Variants in PCDHGA2 observed in about 807,000 individuals in gnomAD.
PCDHGA2 encodes the protein protocadherin gamma subfamily A, 2, also known as protocadherin gamma-A2.
In PCDHGA2, 40 loss-of-function variants were observed where a neutral mutation model predicts 59.2. That is an observed-to-expected ratio of 0.68 (90% CI 0.52 to 0.88). The LOEUF (loss-of-function observed/expected upper bound fraction) is 0.88. Among genes scored for constraint, PCDHGA2 ranks in the 40% least tolerant of loss-of-function variants. The pLI, the probability that PCDHGA2 is intolerant of heterozygous loss-of-function variation, is 0.00. For synonymous variants in PCDHGA2, 560 were observed against 526.0 expected, an observed-to-expected ratio of 1.06 and a Z score of -0.89; for missense variants, 1,226 against 1,204.0, an observed-to-expected ratio of 1.02 and a Z score of -0.27.
intron 1 of PCDHGA2, among the ~76,000 whole-genome samples, chr5:141,469,852 C>T (rs529924249): frequency 1.3e-4 from 20 of 152,054 alleles, no homozygotes; most frequent in African/African-American, 4.8e-4. Flanking sequence ...AGATTCAGAC[C>T]GGGTGCAATG....
intron 1 of PCDHGA2, chr5:141,422,771 T>C (rs2096671394): frequency 6.2e-7 from 1 of 1,613,954 alleles, no homozygotes; most frequent in Non-Finnish European, 8.5e-7. Flanking sequence ...ACTGGTGTTC[T>C]CTATGCCCTA....
chr5:141,384,399 A>G (rs1269939422), intron 1 of PCDHGA2: 2 of 1,613,970 alleles, frequency 1.2e-6, no homozygotes, highest in Non-Finnish European at 1.7e-6. Context: ...AGGGGGCTCC[A>G]GTGTCCTCCT....
At chr5:141,434,515 G>A (rs1032584764) in intron 1 of PCDHGA2, among the ~76,000 whole-genome samples, 1 of 152,296 alleles carries the variant, frequency 6.6e-6, no homozygotes, top group African/African-American at 2.4e-5. Context: ...CTGCTTAAAG[G>A]TGTTCTTAAA....
intron 1 of PCDHGA2, chr5:141,420,323 A>G (rs753373746): frequency 2.1e-6 from 3 of 1,410,102 alleles, no homozygotes; most frequent in East Asian, 2.4e-5. Flanking sequence ...CAATATGCCA[A>G]TATATTCCAA....
intron 1 of PCDHGA2, chr5:141,357,789 C>A: frequency 1.2e-6 from 1 of 838,664 alleles, no homozygotes; most frequent in Non-Finnish European, 1.8e-6. Context: ...ACAGTATTTA[C>A]CACACAAAAA....
In PCDHGA2 at chr5:141,415,024, G is replaced by A. The variant is rs1272655664; in HGVS notation, c.2424+73629G>A. On this transcript the variant is annotated intron_variant, in intron 1 of 3. Coordinates refer to ENST00000394576, the MANE Select transcript of PCDHGA2 (RefSeq NM_018915.4). ...GTCCTACCGTCTGCTCAAGGCCAGC[G>A]AGCCGGGACTCTTCGCGGTGGGGGA... 4.3e-6 allele frequency: 7 copies of A among 1,613,450 alleles called. 1 individual carries two copies. The highest frequency in any genetic ancestry group is 3.3e-5 in the Admixed American group (2 of 60,002).
chr5:141,372,350 GCCTCTTTCAGCCA>G (rs1768695448), intron 1 of PCDHGA2: 2 of 1,613,880 alleles, frequency 1.2e-6, no homozygotes, highest in Admixed American at 3.3e-5. Flanking sequence ...GAGGACAGCA[GCCTCTTTCAGCCA>G]CCGTCATGCT....
chr5:141,354,933 T>A, intron 1 of PCDHGA2: 1 of 419,786 alleles, frequency 2.4e-6, no homozygotes, highest in East Asian at 3.5e-5. Flanking sequence ...AAACTTTTTT[T>A]AACCAAGAAT....
intron 1 of PCDHGA2, chr5:141,389,656 C>T (rs763730959): frequency 1.2e-6 from 2 of 1,612,538 alleles, no homozygotes; most frequent in Non-Finnish European, 1.7e-6. Context: ...AAGGTAGTGG[C>T]GGTGGACGCA....
chr5:141,364,152 C>A (rs1763186679), intron 1 of PCDHGA2: 2 of 570,580 alleles, frequency 3.5e-6, no homozygotes, highest in Non-Finnish European at 5.5e-6. Flanking sequence ...AAAGAAGCTG[C>A]CGCAGAGGCG....
chr5:141,339,659 G>T lies in PCDHGA2; in HGVS notation c.688G>T (p.Val230Leu). The stretch of plus-strand genomic sequence containing the variant: ...GCTATCTGGCACCTCCCGCATCTGC[G>T]TGAAGGTCCTGGATGCGAACGACAA... ...PVLSGTSRICVKVLDANDNAP... is the reference protein window; with the variant it reads ...PVLSGTSRICLKVLDANDNAP... Residue 230 changes from valine (V) to leucine (L), a missense_variant, in exon 1 of 4, where the codon GTG (valine) becomes TTG (leucine). Coordinates refer to ENST00000394576, the MANE Select transcript of PCDHGA2 (RefSeq NM_018915.4). 1 of 1,614,170 alleles carries T rather than the reference G, an allele frequency of 6.2e-7. No homozygotes were observed. Among genetic ancestry groups the T allele is most frequent in the South Asian group, 1.1e-5 (1 of 91,084 alleles).
At chr5:141,415,177 G>A (rs758980730) in intron 1 of PCDHGA2, 26 of 1,613,808 alleles carry the variant, frequency 1.6e-5, no homozygotes, top group East Asian at 4.5e-5. Flanking sequence ...CACCGTGGCC[G>A]TGGCCGACAG....
Position 141,423,964 on chromosome 5 carries a change from A to G in PCDHGA2, c.2425-70843A>G, listed in dbSNP as rs569611136. On this transcript the variant is annotated intron_variant, in intron 1 of 3. Coordinates refer to ENST00000394576, the MANE Select transcript of PCDHGA2 (RefSeq NM_018915.4). ...AGTTGAATTTTAGTATTATTTTTCT[A>G]TTATCAGTGTATGAGGCTCTCAATT... The G allele has an allele frequency of 5.2e-5, 61 of 1,163,648 alleles. 2 individuals carry two copies. In the South Asian group the frequency reaches 1.7e-3, roughly 32 times the overall value. 72.1% of individuals were successfully genotyped at this position (1,163,648 alleles called of 1,614,324 possible).
chr5:141,407,919 C>A, intron 1 of PCDHGA2: 1 of 472,082 alleles, frequency 2.1e-6, no homozygotes, highest in Non-Finnish European at 3.7e-6. Flanking sequence ...GGCTGCTGTC[C>A]CGCACGGAGC....
chr5:141,427,268 A>G (rs1433017911), intron 1 of PCDHGA2: 7 of 456,648 alleles, frequency 1.5e-5, no homozygotes, highest in Non-Finnish European at 3.1e-5. Flanking sequence ...TGACCAGCGA[A>G]TGTAAAATTA....
intron 1 of PCDHGA2, among the ~76,000 whole-genome samples, chr5:141,451,391 T>C (rs928399948): frequency 6.6e-6 from 1 of 152,162 alleles, no homozygotes; most frequent in Non-Finnish European, 1.5e-5. Context: ...ACATAGTTAA[T>C]GGCAAAATTA....
At chr5:141,398,228 G>A (rs2150736860) in intron 1 of PCDHGA2, 1 of 1,475,144 alleles carries the variant, frequency 6.8e-7, no homozygotes, top group East Asian at 2.5e-5. Flanking sequence ...GAGCAGATCC[G>A]CTACAGGATT....
At chr5:141,508,718 G>T (rs2099871076) in intron 3 of PCDHGA2, among the ~76,000 whole-genome samples, 1 of 151,852 alleles carries the variant, frequency 6.6e-6, no homozygotes, top group Non-Finnish European at 1.5e-5. Flanking sequence ...TTTTCTGTGT[G>T]CAGGGAGACT....
At chr5:141,366,184 G>T in intron 1 of PCDHGA2, 2 of 1,613,984 alleles carry the variant, frequency 1.2e-6, no homozygotes, top group South Asian at 1.1e-5. Flanking sequence ...GACTCTTTGC[G>T]GTTGGGCTGC....
Sources: gnomAD v4.1 joint callset for allele counts (sites outside exome capture counted in the v4.1 genomes callset) on GRCh38, gnomAD v4.1.1 for gene constraint, MANE v1.5 for transcripts, NCBI Gene and HGNC (gene_info 2026-07-23, HGNC 2026-07-21) for gene names.